The following ARHGEF12 variants were observed in gnomAD, a reference collection of about 807,000 sequenced individuals.
ARHGEF12 encodes Rho guanine nucleotide exchange factor 12, also known as KMT2A/ARHGEF12 fusion protein.
ARHGEF12 carries 66 observed loss-of-function variants against 211.2 expected under a neutral mutation model. The ratio of observed to expected loss-of-function variants is 0.31; its 90% confidence interval spans 0.26 to 0.38. ARHGEF12 has a LOEUF of 0.38. Among genes scored for constraint, ARHGEF12 ranks in the 10% least tolerant of loss-of-function variants. The pLI, the probability that ARHGEF12 is intolerant of heterozygous loss-of-function variation, is 1.00. For missense variants in ARHGEF12, 1,429 were observed against 1,869.5 expected (o/e 0.76, Z 4.34); for synonymous variants, 592 against 638.4 (o/e 0.93, Z 1.09).
intron 1 of ARHGEF12, among the ~76,000 whole-genome samples, chr11:120,344,545 C>G (rs146842235): frequency 4.3e-4 from 66 of 152,220 alleles, no homozygotes; most frequent in Middle Eastern, 3.4e-3. Flanking sequence ...GGAAGTGGTT[C>G]TTGTGGGTGA....
intron 15 of ARHGEF12, among the ~76,000 whole-genome samples, chr11:120,443,987 T>A (rs1945963417): frequency 1.3e-5 from 2 of 152,046 alleles, no homozygotes; most frequent in Admixed American, 1.3e-4. Context: ...TCCATGGGGG[T>A]TCCTAGAACC....
chr11:120,448,874 C>G (rs1027892468), intron 20 of ARHGEF12: 1 of 422,430 alleles, frequency 2.4e-6, no homozygotes, highest in African/African-American at 2.0e-5. Context: ...TAAAACTACC[C>G]TTTGATTTTC....
At chr11:120,428,338 A>AGTT in intron 8 of ARHGEF12, 91 bp downstream of exon 8, 1 of 1,104,276 alleles carries the variant, frequency 9.1e-7, no homozygotes, top group Non-Finnish European at 1.2e-6. Context: ...CGGCTGATGA[A>AGTT]CTAATTAAAT....
intron 15 of ARHGEF12, 139 bp downstream of exon 15, chr11:120,442,341 C>A: frequency 1.9e-6 from 1 of 538,674 alleles, no homozygotes; most frequent in Non-Finnish European, 3.0e-6. Flanking sequence ...ATTGATTACT[C>A]TAGACTTTTT....
chr11:120,415,310 C>A (rs1292361133), intron 4 of ARHGEF12, among the ~76,000 whole-genome samples: 1 of 151,880 alleles, frequency 6.6e-6, no homozygotes, highest in African/African-American at 2.4e-5. Flanking sequence ...TCATTTTTTT[C>A]TCCATTTGTT....
At chr11:120,473,006 A>G (rs1293340492) in intron 30 of ARHGEF12, 44 bp from the exon 31 acceptor site, 3 of 1,575,232 alleles carry the variant, frequency 1.9e-6, no homozygotes. Context: ...GAGGTCATTA[A>G]TGACCAAAGC....
At chr11:120,364,890 C>A (rs929662539) in intron 1 of ARHGEF12, among the ~76,000 whole-genome samples, 81 of 148,698 alleles carry the variant, frequency 5.4e-4, no homozygotes, top group Non-Finnish European at 2.4e-4. Context: ...ACAATCACAG[C>A]TCACTGTAGC....
At chr11:120,410,200 G>A (rs1017006720) in intron 4 of ARHGEF12, 1 of 151,602 alleles carries the variant, frequency 6.6e-6, no homozygotes, top group African/African-American at 2.4e-5. Context: ...CAATAACCAT[G>A]TTTGTGAAGT....
intron 8 of ARHGEF12, among the ~76,000 whole-genome samples, chr11:120,428,572 T>TA (rs1482056538): frequency 6.6e-6 from 1 of 152,206 alleles, no homozygotes; most frequent in Non-Finnish European, 1.5e-5. Context: ...TGTTTACTGT[T>TA]ACGTTTCCAG....
intron 1 of ARHGEF12, chr11:120,337,732 G>A (rs1942397791): frequency 1.0e-6 from 1 of 985,332 alleles, no homozygotes; most frequent in South Asian, 4.7e-5. Context: ...ACTGCATGGT[G>A]ATCTGGGAAC....
At chr11:120,453,639 C>G (rs899295151) in intron 22 of ARHGEF12, among the ~76,000 whole-genome samples, 6 of 152,138 alleles carry the variant, frequency 3.9e-5, no homozygotes, top group Non-Finnish European at 8.8e-5. Context: ...ATCACTTGAT[C>G]CTAGGAAGAC....
At position 120,486,472 on chromosome 11, in the gene ARHGEF12, C is replaced by T. The variant is rs1947401066; in HGVS notation, c.*1395C>T. 4.3e-6 allele frequency: 1 copy of T among 231,026 alleles called. No homozygotes were observed. The highest frequency in any genetic ancestry group is 8.6e-6 in the Non-Finnish European group (1 of 116,580). 14.3% of individuals were successfully genotyped at this position (231,026 alleles called of 1,614,324 possible). A position where few individuals can be genotyped will look rare whatever the true frequency, so the allele number is the denominator to read the frequency against. On this transcript the variant is annotated 3_prime_UTR_variant, in exon 41 of 41. Transcript: ENST00000397843. Reference sequence around the variant, plus strand: ...CTAGGATGAATAGTAGCGTTAGCAGCACCCTACAGAGGGTAAGTTTCAGAA... The same window carrying T: ...CTAGGATGAATAGTAGCGTTAGCAGTACCCTACAGAGGGTAAGTTTCAGAA...
chr11:120,448,217 C>T lies in ARHGEF12; in HGVS notation c.1623-17C>T, dbSNP rs377088942. ...CCTTCTCAGAAGTCTTAATTTACTT[C>T]GTCCTTTCTCCTCCAGCTCCACCAT... On this transcript the variant is annotated splice_polypyrimidine_tract_variant and intron_variant, in intron 19 of 40. Transcript: ENST00000397843. The T allele has an allele frequency of 1.6e-5, 25 of 1,570,156 alleles. No individual in the cohort carries two copies. In the African/African-American group the frequency reaches 2.0e-4, roughly 13 times the overall value.
chr11:120,341,615 T>C (rs1445538438), intron 1 of ARHGEF12, among the ~76,000 whole-genome samples: 2 of 152,232 alleles, frequency 1.3e-5, no homozygotes, highest in East Asian at 3.8e-4. Context: ...CAAGATAACA[T>C]ACTGGTTCCC....
intron 1 of ARHGEF12, among the ~76,000 whole-genome samples, chr11:120,356,736 C>T (rs1943141002): frequency 6.6e-6 from 1 of 152,190 alleles, no homozygotes; most frequent in Non-Finnish European, 1.5e-5. Flanking sequence ...TAAAAAGTTA[C>T]TCCAAAGATG....
intron 25 of ARHGEF12, chr11:120,458,693 T>G (rs1281945886): frequency 5.7e-6 from 1 of 175,954 alleles, no homozygotes; most frequent in African/African-American, 2.4e-5. Flanking sequence ...ATGGGTGCTG[T>G]ACCCTTTACT....
chr11:120,347,250 C>CTG (rs1942790622), intron 1 of ARHGEF12, among the ~76,000 whole-genome samples: 2 of 110,592 alleles, frequency 1.8e-5, no homozygotes, highest in South Asian at 7.0e-4. Context: ...CTCTGTTTCT[C>CTG]TCTCTCTCTC....
chr11:120,452,922 GGA>G (rs749611417), intron 22 of ARHGEF12, among the ~76,000 whole-genome samples: 5 of 152,072 alleles, frequency 3.3e-5, no homozygotes, highest in Non-Finnish European at 7.4e-5. Flanking sequence ...CTTGAATCCA[GGA>G]GGTGGGTGGA....
intron 1 of ARHGEF12, among the ~76,000 whole-genome samples, chr11:120,362,240 T>C (rs1207223162): frequency 1.3e-5 from 2 of 152,212 alleles, no homozygotes; most frequent in Non-Finnish European, 2.9e-5. Flanking sequence ...TTATCAAATC[T>C]TGGAAGAAGT....
Sources: allele counts gnomAD v4.1 joint callset (sites outside exome capture counted in the v4.1 genomes callset), GRCh38; gene constraint gnomAD v4.1.1; transcripts MANE v1.5; gene names NCBI Gene and HGNC (gene_info 2026-07-23, HGNC 2026-07-21).